ACTN2: variants seen among roughly 807,000 people sequenced by gnomAD.
ACTN2 encodes the protein actinin alpha 2, also known as alpha-actinin-2.
ACTN2 carries 39 observed loss-of-function variants against 113.8 expected under a neutral mutation model. That is an observed-to-expected ratio of 0.34 (90% confidence interval 0.27 to 0.45). The LOEUF (loss-of-function observed/expected upper bound fraction) is 0.45. ACTN2 is among the 20% of genes least tolerant of loss of function. The pLI is 1.00. For synonymous variants in ACTN2, 429 were observed against 444.1 expected (o/e 0.97, Z 0.43); for missense variants, 992 against 1,177.9 (o/e 0.84, Z 2.31).
intron 7 of ACTN2, chr1:236,734,513 C>T (rs1163613409): frequency 6.5e-7 from 1 of 1,533,372 alleles, no homozygotes; most frequent in African/African-American, 1.4e-5. Context: ...TGCTGGTGCA[C>T]AGAAGGTGAG....
At position 236,761,621 on chromosome 1, in the gene ACTN2, C is replaced by T. The variant is rs188235619; in HGVS notation, c.2526+448C>T. Among the ~76,000 whole-genome samples, 28 of 152,202 alleles carry T rather than the reference C, an allele frequency of 1.8e-4. No homozygotes were observed. The East Asian group carries it at 4.6e-3, about 25-fold the overall frequency. ...GCCATGGAGCAAAGTTAAATATAGCCGTTCAGTCAGTAAAAAATTGGCAAG... is the reference window on the plus strand; with the variant it reads ...GCCATGGAGCAAAGTTAAATATAGCTGTTCAGTCAGTAAAAAATTGGCAAG... On this transcript the variant is annotated intron_variant, in intron 20 of 20. Transcript: ENST00000366578.
rs1057521958 is a variant in ACTN2 at position 236,727,662 on chromosome 1, C to T, written c.537-16C>T. 2 of 1,613,958 alleles carry T rather than the reference C, an allele frequency of 1.2e-6. No homozygotes were observed. Among genetic ancestry groups the T allele is most frequent in the African/African-American group, 2.7e-5 (2 of 74,922 alleles). On this transcript the variant is annotated splice_polypyrimidine_tract_variant and intron_variant, in intron 5 of 20. Coordinates refer to ENST00000366578, the MANE Select transcript of ACTN2 (RefSeq NM_001103.4). Reference sequence around the variant, plus strand: ...TCCACTAACACGTGTTCCTGTTCTTCTCGACGGCTGTGAAGCTGGAAAGAT... The same window carrying T: ...TCCACTAACACGTGTTCCTGTTCTTTTCGACGGCTGTGAAGCTGGAAAGAT...
At chr1:236,704,134 C>T (rs542018477) in intron 1 of ACTN2, among the ~76,000 whole-genome samples, 4 of 152,128 alleles carry the variant, frequency 2.6e-5, no homozygotes, top group African/African-American at 9.7e-5. Flanking sequence ...TTAAGACAGT[C>T]GTTAGTTTCA....
chr1:236,754,946 C>A lies in ACTN2; in HGVS notation c.1975-73C>A. The A allele has an allele frequency of 1.3e-6, 2 of 1,584,164 alleles. No individual in the cohort carries two copies. The highest frequency in any genetic ancestry group is 2.7e-5 in the African/African-American group (2 of 74,412). On this transcript the variant is annotated intron_variant, in intron 16 of 20. Transcript: ENST00000366578. The surrounding 1 kb of genome is among the most constrained non-coding windows in gnomAD (Gnocchi z 4.9). ...GCATCCCATGCAGGGTCTGGAACGG[C>A]GCCTCGTGCCGAGCTCCCTTAGAGG...
At chr1:236,727,121 A>C (rs1036788085) in intron 5 of ACTN2, among the ~76,000 whole-genome samples, 5 of 152,154 alleles carry the variant, frequency 3.3e-5, no homozygotes, top group African/African-American at 1.2e-4. Context: ...CCAGAAATAA[A>C]CATCTGCCCT....
intron 7 of ACTN2, 51 bp downstream of exon 7, chr1:236,731,365 ATGTTATGGCTACACAT>A (rs1443428334): frequency 1.4e-6 from 2 of 1,452,686 alleles, no homozygotes; most frequent in Non-Finnish European, 1.9e-6. Flanking sequence ...AAGACTACAA[ATGTTATGGCTACACAT>A]TGGGACCTTG....
chr1:236,762,046 A>T (rs948276604), intron 20 of ACTN2, among the ~76,000 whole-genome samples: 2 of 152,212 alleles, frequency 1.3e-5, no homozygotes, highest in African/African-American at 4.8e-5. Flanking sequence ...AATGATATAA[A>T]TTATAATGTG....
Position 236,743,022 on chromosome 1 carries a change from A to G in ACTN2, c.1234A>G (p.Thr412Ala), listed in dbSNP as rs769884839. 2 of 1,614,180 alleles carry G rather than the reference A, an allele frequency of 1.2e-6. No homozygotes were observed. Among genetic ancestry groups the G allele is most frequent in the Non-Finnish European group, 1.7e-6 (2 of 1,180,034 alleles). Residue 412 changes from threonine (T) to alanine (A), a missense_variant, in exon 11 of 21, where the codon ACG becomes GCG. Thr to Ala is a moderately conservative substitution (Grantham distance 58). This residue lies in a region of ACTN2 where 736 missense variants were observed against 815.4 expected (regional missense o/e 0.90). Coordinates refer to ENST00000366578, the MANE Select transcript of ACTN2 (RefSeq NM_001103.4). The part of the protein sequence containing the change: ...LAEKFRQKAS[T>A]HETWAYGKEQ... ...TGAGAAGTTCAGGCAGAAGGCCTCA[A>G]CGCACGAGACTTGGGCTTATGGTAA... is the stretch of plus-strand genomic sequence containing the variant.
At chr1:236,761,481 C>G (rs1036806517) in intron 20 of ACTN2, among the ~76,000 whole-genome samples, 1 of 151,758 alleles carries the variant, frequency 6.6e-6, no homozygotes, top group Non-Finnish European at 1.5e-5. Flanking sequence ...CTGGTTCGAC[C>G]CCTGTTTTAC....
At chr1:236,733,454 T>C (rs762829043) in intron 7 of ACTN2, among the ~76,000 whole-genome samples, 6 of 152,202 alleles carry the variant, frequency 3.9e-5, no homozygotes, top group Non-Finnish European at 7.3e-5. Flanking sequence ...TCCAGGCAGA[T>C]GGGGTGTGTT....
chr1:236,689,358 T>TTA (rs150964294), intron 1 of ACTN2, among the ~76,000 whole-genome samples: 10 of 145,318 alleles, frequency 6.9e-5, no homozygotes, highest in African/African-American at 2.0e-4. Flanking sequence ...TATGTATATT[T>TTA]TATATATATA....
At chr1:236,698,052 G>C (rs1335920618) in intron 1 of ACTN2, among the ~76,000 whole-genome samples, 4 of 151,464 alleles carry the variant, frequency 2.6e-5, no homozygotes, top group African/African-American at 9.7e-5. Flanking sequence ...GGGATTACAG[G>C]CGTGAGCCAC....
chr1:236,724,529 T>G (rs1262783867), intron 4 of ACTN2, among the ~76,000 whole-genome samples: 1 of 152,182 alleles, frequency 6.6e-6, no homozygotes, highest in African/African-American at 2.4e-5. Context: ...GGGAGGAGGC[T>G]TGGGGAAGAA....
At position 236,754,918 on chromosome 1, in the gene ACTN2, C is replaced by A; in HGVS notation, c.1975-101C>A. ...ACACTGGCCGCTGCCTGACGCTGGC[C>A]TAGCATCCCATGCAGGGTCTGGAAC... On this transcript the variant is annotated intron_variant, in intron 16 of 20. Coordinates refer to ENST00000366578, the MANE Select transcript of ACTN2 (RefSeq NM_001103.4). This position sits in a 1 kb window ranked among gnomAD's most constrained non-coding sequence, Gnocchi z 4.9. 1 of 1,420,268 alleles carries A rather than the reference C, an allele frequency of 7.0e-7. No homozygotes were observed. Among genetic ancestry groups the A allele is most frequent in the Non-Finnish European group, 9.9e-7 (1 of 1,005,746 alleles). The allele number at this position is 1,420,268 out of a possible 1,614,324, so 88.0% of individuals were successfully genotyped here.
chr1:236,705,225 AT>A (rs1280843943), intron 1 of ACTN2, among the ~76,000 whole-genome samples: 3 of 152,106 alleles, frequency 2.0e-5, no homozygotes, highest in African/African-American at 7.2e-5. Context: ...TATATAAAAA[AT>A]ATCACAGAAA....
At chr1:236,721,015 G>GTTTTTTTTTTTTTTTTTT (rs869155855) in intron 4 of ACTN2, among the ~76,000 whole-genome samples, 1 of 49,138 alleles carries the variant, frequency 2.0e-5, no homozygotes. Context: ...TCTGGTTTTT[G>GTTTTTTTTTTTTTTTTTT]TTTTTTGTTT....
chr1:236,737,361 A>ACTTGAT (rs1300531680), intron 9 of ACTN2, 147 bp downstream of exon 9: 1 of 260,244 alleles, frequency 3.8e-6, no homozygotes, highest in Non-Finnish European at 7.9e-6. Flanking sequence ...AGGAAAATAC[A>ACTTGAT]CTTGATCTCT....
chr1:236,734,748 C>G (rs764122388), intron 7 of ACTN2, among the ~76,000 whole-genome samples: 1 of 152,156 alleles, frequency 6.6e-6, no homozygotes, highest in Non-Finnish European at 1.5e-5. Flanking sequence ...AGTTACACAA[C>G]CCCACATCCT....
At chr1:236,701,836 A>G (rs1657686375) in intron 1 of ACTN2, among the ~76,000 whole-genome samples, 1 of 152,186 alleles carries the variant, frequency 6.6e-6, no homozygotes, top group South Asian at 2.1e-4. Flanking sequence ...TGACAAATGT[A>G]TTTACTGTGT....
Sources: gnomAD v4.1 joint callset for allele counts (sites outside exome capture counted in the v4.1 genomes callset) on GRCh38, gnomAD v4.1.1 for gene constraint, gnomAD v4.1.1 regional missense constraint, Gnocchi (gnomAD v3.1) non-coding constraint, MANE v1.5 for transcripts, NCBI Gene and HGNC (gene_info 2026-07-23, HGNC 2026-07-21) for gene names.